The following OCA2 variants were observed in gnomAD, a reference collection of about 807,000 sequenced individuals.
The protein encoded by OCA2 is P protein.
Under a neutral mutation model 100.2 loss-of-function variants are expected in OCA2, and 77 were observed. The ratio of observed to expected loss-of-function variants is 0.77; its 90% confidence interval spans 0.64 to 0.93. OCA2 has a LOEUF of 0.93. Ranked by LOEUF, OCA2 falls within the 40% of genes least tolerant of loss-of-function variation. OCA2 has a pLI of 0.00. For missense variants in OCA2, 1,062 were observed against 1,089.1 expected, an observed-to-expected ratio of 0.98 and a Z score of 0.35; for synonymous variants, 432 against 439.2, an observed-to-expected ratio of 0.98 and a Z score of 0.21.
At chr15:28,030,185 G>A (rs974101) in intron 3 of OCA2, among the ~76,000 whole-genome samples, 8,106 of 152,296 alleles carry the variant, frequency 0.053, 709 homozygotes, top group African/African-American at 0.19. Context: ...GTCAGTGGAA[G>A]TGCCTCAGCT....
chr15:28,023,102 G>A (rs1330219683), intron 5 of OCA2, among the ~76,000 whole-genome samples: 1 of 147,330 alleles, frequency 6.8e-6, no homozygotes, highest in Non-Finnish European at 1.5e-5. Flanking sequence ...AGCTCTTGGG[G>A]ACCAGGGGAG....
At chr15:27,745,875 A>G in the OCA2 span, among the ~76,000 whole-genome samples, 2 of 152,206 alleles carry the variant, frequency 1.3e-5, no homozygotes, top group African/African-American at 4.8e-5. Context: ...TCTTTCAACC[A>G]ATTGCCAATC....
At chr15:27,868,241 A>C (rs2036402675) in intron 21 of OCA2, among the ~76,000 whole-genome samples, 1 of 152,208 alleles carries the variant, frequency 6.6e-6, no homozygotes, top group Non-Finnish European at 1.5e-5. Context: ...CAGGCTCTCG[A>C]AGAAGAAATA....
rs368293640 is a variant in OCA2, at chr15:27,824,578, T to TTCTCTCTCTCTCTCTCTCTC, written c.2432+20361_2432+20380dup. Among the ~76,000 whole-genome samples the TTCTCTCTCTCTCTCTCTCTC allele has an allele frequency of 1.8e-3, 96 of 53,532 alleles. 9 individuals carry two copies. Among genetic ancestry groups the TTCTCTCTCTCTCTCTCTCTC allele is most frequent in the Non-Finnish European group, 2.0e-3 (69 of 35,206 alleles). 35.1% of individuals were successfully genotyped at this position (53,532 alleles called of 152,430 possible). On this transcript the variant is annotated intron_variant, in intron 23 of 23. Coordinates refer to ENST00000354638, the MANE Select transcript of OCA2 (RefSeq NM_000275.3). ...CTAATTTCTTTTGAATAAATACAAT[T>TTCTCTCTCTCTCTCTCTCTC]TCTCTCTCTCTCTCTCTCTCTCTCT...
At chr15:28,035,027 G>A (rs959350430) in intron 2 of OCA2, among the ~76,000 whole-genome samples, 7 of 152,050 alleles carry the variant, frequency 4.6e-5, no homozygotes, top group Admixed American at 2.0e-4. Flanking sequence ...TGACCCATGG[G>A]GTCTCAAAAC....
chr15:27,962,254 T>C (rs1048576005), intron 15 of OCA2, among the ~76,000 whole-genome samples: 5 of 152,230 alleles, frequency 3.3e-5, no homozygotes, highest in East Asian at 1.9e-4. Flanking sequence ...CCCAGCACCA[T>C]TGTGAGCTCT....
At chr15:27,854,175 T>C (rs1197418106) in intron 21 of OCA2, among the ~76,000 whole-genome samples, 1 of 152,204 alleles carries the variant, frequency 6.6e-6, no homozygotes, top group African/African-American at 2.4e-5. Context: ...ATCTTGTGTT[T>C]CTGCATGCCC....
chr15:27,973,489 G>T (rs776758235), intron 14 of OCA2, among the ~76,000 whole-genome samples: 1 of 152,240 alleles, frequency 6.6e-6, no homozygotes, highest in Non-Finnish European at 1.5e-5. Flanking sequence ...TCAGTTGGTT[G>T]TAAGTATTTG....
At chr15:27,866,572 C>T (rs1045850054) in intron 21 of OCA2, among the ~76,000 whole-genome samples, 10 of 152,310 alleles carry the variant, frequency 6.6e-5, no homozygotes, top group East Asian at 3.9e-4. Context: ...CCAGGTATAA[C>T]GCTAGTGAAT....
chr15:28,068,955 G>C (rs960091621), intron 2 of OCA2, among the ~76,000 whole-genome samples: 1 of 152,146 alleles, frequency 6.6e-6, no homozygotes, highest in African/African-American at 2.4e-5. Flanking sequence ...AATACTGAGA[G>C]CCATCTATGA....
At chr15:27,789,370 T>C (rs1455942089) in intron 23 of OCA2, among the ~76,000 whole-genome samples, 3 of 152,198 alleles carry the variant, frequency 2.0e-5, no homozygotes, top group African/African-American at 7.2e-5. Context: ...TTTTGAAAAA[T>C]AGTTTTTCTA....
At chr15:27,759,418 T>G (rs1297321706) in intron 23 of OCA2, among the ~76,000 whole-genome samples, 1 of 151,876 alleles carries the variant, frequency 6.6e-6, no homozygotes, top group Non-Finnish European at 1.5e-5. Context: ...TCATCTTGAG[T>G]TTTTAAATTA....
chr15:28,081,779 C>T lies in OCA2; in HGVS notation c.96G>A (p.Val32=). The part of the protein sequence containing the change: ...TSVPSGLAEL[V]AGKRRLPRGA... ...CCCGAGGAAGCCTGCGCTTGCCGGCCACAAGTTCAGCGAGTCCGCTGGGCA... is the reference window on the plus strand; with the variant it reads ...CCCGAGGAAGCCTGCGCTTGCCGGCTACAAGTTCAGCGAGTCCGCTGGGCA... The change falls in exon 2 of 24, where the codon GTG becomes GTA. Residue 32 remains valine (V), a synonymous_variant. Coordinates refer to ENST00000354638, the MANE Select transcript of OCA2 (RefSeq NM_000275.3). 6.2e-7 allele frequency: 1 copy of T among 1,613,314 alleles called. No individual in the cohort carries two copies. The highest frequency in any genetic ancestry group is 1.1e-5 in the South Asian group (1 of 91,062).
chr15:27,762,579 G>A (rs369364188), intron 23 of OCA2, among the ~76,000 whole-genome samples: 139 of 152,278 alleles, frequency 9.1e-4, no homozygotes, highest in Non-Finnish European at 1.7e-3. Flanking sequence ...GTGACGTGTG[G>A]ATTAGCATGC....
intron 1 of OCA2, among the ~76,000 whole-genome samples, chr15:28,092,211 T>C (rs1210058791): frequency 3.3e-5 from 5 of 152,166 alleles, no homozygotes; most frequent in Non-Finnish European, 7.3e-5. Flanking sequence ...AGTTGCTGCT[T>C]ATGGCTAGGG....
chr15:27,908,501 C>T (rs2038263772), intron 19 of OCA2, among the ~76,000 whole-genome samples: 1 of 152,184 alleles, frequency 6.6e-6, no homozygotes, highest in South Asian at 2.1e-4. Flanking sequence ...CCAAGACCAT[C>T]CTGACACTTG....
chr15:28,051,859 T>C (rs538794165), intron 2 of OCA2, among the ~76,000 whole-genome samples: 1 of 152,234 alleles, frequency 6.6e-6, no homozygotes, highest in Admixed American at 6.5e-5. Context: ...ATATGCCCCA[T>C]GTTATCTTTC....
chr15:27,754,167 C>T (rs553927284), downstream of OCA2, among the ~76,000 whole-genome samples: 197 of 152,290 alleles, frequency 1.3e-3, 1 homozygote, highest in African/African-American at 4.5e-3. Context: ...AAATAAACTA[C>T]GGTTGCACGT....
In OCA2 at chr15:27,822,136, G is replaced by A. The variant is rs140997532; in HGVS notation, c.2432+22823C>T. On this transcript the variant is annotated intron_variant, in intron 23 of 23. Transcript: ENST00000354638. ...GTACATCAATGGATTACTACAAGCT[G>A]AGCACGTGTGTCATAAAATATAATA... Among the ~76,000 whole-genome samples the A allele has an allele frequency of 1.4e-4, 21 of 152,224 alleles. No individual in the cohort carries two copies. The East Asian group carries it at 3.7e-3, about 27-fold the overall frequency.
Sources: allele counts gnomAD v4.1 joint callset (sites outside exome capture counted in the v4.1 genomes callset), GRCh38; gene constraint gnomAD v4.1.1; transcripts MANE v1.5; gene names NCBI Gene and HGNC (gene_info 2026-07-23, HGNC 2026-07-21).